Variants in MTA1 observed in about 807,000 individuals in gnomAD.
MTA1 encodes the protein metastasis associated 1.
In MTA1, 15 loss-of-function variants were observed where a neutral mutation model predicts 97.0. That is an observed-to-expected ratio of 0.15 (90% CI 0.10 to 0.24). The LOEUF (loss-of-function observed/expected upper bound fraction) is 0.24. Ranked by LOEUF, MTA1 falls within the 10% of genes least tolerant of loss-of-function variation. The pLI, the probability that MTA1 is intolerant of heterozygous loss-of-function variation, is 1.00. For synonymous variants in MTA1, 435 were observed against 417.5 expected, an observed-to-expected ratio of 1.04 and a Z score of -0.51; for missense variants, 709 against 1,015.1, an observed-to-expected ratio of 0.70 and a Z score of 4.10.
chr14:105,455,590 A>G (rs2083116679), intron 7 of MTA1, among the ~76,000 whole-genome samples: 1 of 152,234 alleles, frequency 6.6e-6, no homozygotes, highest in South Asian at 2.1e-4. Context: ...TGTGTCGCCC[A>G]GGCTGGACTT....
intron 6 of MTA1, 144 bp from the exon 7 acceptor site, chr14:105,454,049 G>T (rs782405502): frequency 5.2e-6 from 3 of 582,390 alleles, no homozygotes; most frequent in African/African-American, 1.9e-5. Flanking sequence ...GGGCTCCTGC[G>T]CCCTCCCTCC....
chr14:105,460,848 G>A lies in MTA1; in HGVS notation c.837G>A (p.Val279=). The part of the protein sequence containing the change: ...ISALVPQGGP[V]LCRDEMEEWS... ...CGCTGGTGCCGCAGGGCGGGCCCGT[G>A]CTCTGCAGGGACGAGATGGAGGAGT... The change falls in exon 10 of 21, where the codon GTG becomes GTA. Residue 279 remains valine (V), a synonymous_variant. Coordinates refer to ENST00000331320, the MANE Select transcript of MTA1 (RefSeq NM_004689.4). 4 of 1,612,858 alleles carry A rather than the reference G, an allele frequency of 2.5e-6. No individual in the cohort carries two copies. The highest frequency in any genetic ancestry group is 2.5e-6 in the Non-Finnish European group (3 of 1,179,758).
intron 4 of MTA1, 151 bp from the exon 5 acceptor site, chr14:105,449,907 G>A (rs1186591344): frequency 3.5e-6 from 4 of 1,148,270 alleles, no homozygotes; most frequent in Non-Finnish European, 5.0e-6. Flanking sequence ...GCCATAGGGT[G>A]GGGCAGTGGG....
chr14:105,449,230 C>A, intron 3 of MTA1, 129 bp from the exon 4 acceptor site: 1 of 865,478 alleles, frequency 1.2e-6, no homozygotes, highest in Non-Finnish European at 1.7e-6. Context: ...TCACGCCCCA[C>A]CGGGAGGCCT....
chr14:105,456,627 A>G (rs1555429984), intron 7 of MTA1, among the ~76,000 whole-genome samples: 1 of 152,148 alleles, frequency 6.6e-6, no homozygotes, highest in East Asian at 1.9e-4. Flanking sequence ...ATTGCACACT[A>G]GTTGTGCACC....
At chr14:105,451,783 G>GTTTTTTT (rs869240296) in intron 6 of MTA1, among the ~76,000 whole-genome samples, 24 of 31,372 alleles carry the variant, frequency 7.7e-4, no homozygotes, top group African/African-American at 1.1e-3. Flanking sequence ...TTCTTTTTTT[G>GTTTTTTT]TTTTTTTTTT....
intron 7 of MTA1, 151 bp from the exon 8 acceptor site, chr14:105,458,119 C>T: frequency 1.6e-6 from 1 of 631,966 alleles, no homozygotes; most frequent in Non-Finnish European, 2.8e-6. Context: ...GTGCAACAGC[C>T]TCCGTCCAGC....
At chr14:105,468,309 C>A (rs1006981939) in intron 18 of MTA1, 31 of 1,304,310 alleles carry the variant, frequency 2.4e-5, no homozygotes, top group Non-Finnish European at 3.1e-5. Context: ...GCATGTGTTT[C>A]TTCCCTCTGC....
At position 105,470,437 on chromosome 14, in the gene MTA1, T is replaced by G. The variant is rs2083794420; in HGVS notation, c.*222T>G. The stretch of plus-strand genomic sequence containing the variant: ...GTCGTTTTTAGCTTTGTGTTTACTT[T>G]TTGGCTGGAGCGGAGATGAGGGGCC... On this transcript the variant is annotated 3_prime_UTR_variant, in exon 21 of 21. Coordinates refer to ENST00000331320, the MANE Select transcript of MTA1 (RefSeq NM_004689.4). 2.1e-6 allele frequency: 1 copy of G among 483,744 alleles called. No homozygotes were observed. Among genetic ancestry groups the G allele is most frequent in the Non-Finnish European group, 3.5e-6 (1 of 283,744 alleles). 30.0% of individuals were successfully genotyped at this position (483,744 alleles called of 1,614,324 possible). A position where few individuals can be genotyped will look rare whatever the true frequency, so the allele number is the denominator to read the frequency against.
intron 1 of MTA1, among the ~76,000 whole-genome samples, chr14:105,437,437 C>A (rs2082364011): frequency 6.6e-6 from 1 of 151,216 alleles, no homozygotes; most frequent in African/African-American, 2.4e-5. Flanking sequence ...AGGGGTGTGT[C>A]CTCACGGGCA....
chr14:105,434,246 C>T (rs1484022689), intron 1 of MTA1, among the ~76,000 whole-genome samples: 1 of 152,162 alleles, frequency 6.6e-6, no homozygotes, highest in Non-Finnish European at 1.5e-5. Flanking sequence ...ATAGGAAGCT[C>T]ACCAACATGT....
chr14:105,419,967 C>T lies in MTA1; in HGVS notation c.-69C>T, dbSNP rs2081768604. The stretch of plus-strand genomic sequence containing the variant: ...GCCCCCCGCCCCCGCCATCGCGCCT[C>T]CATTTTCCCGGCCGCCCGCGCCGAG... On this transcript the variant is annotated 5_prime_UTR_variant, in exon 1 of 21. Transcript: ENST00000331320. 14 of 823,944 alleles carry T rather than the reference C, an allele frequency of 1.7e-5. No individual in the cohort carries two copies. Among genetic ancestry groups the T allele is most frequent in the Non-Finnish European group, 2.1e-5 (14 of 681,542 alleles). The allele number at this position is 823,944 out of a possible 1,614,324, so 51.0% of individuals were successfully genotyped here.
rs1466309623 is a variant in MTA1 at position 105,463,774 on chromosome 14, T to C, written c.1076+223T>C. The stretch of plus-strand genomic sequence containing the variant: ...CCTGGTCAGTAAGGGGGCATTGGGA[T>C]TCCAGCCCACACCGCCAGGGTTCAG... On this transcript the variant is annotated intron_variant, in intron 12 of 20. Transcript: ENST00000331320. This position sits in a 1 kb window ranked among gnomAD's most constrained non-coding sequence, Gnocchi z 5.9. 6.4e-6 allele frequency: 4 copies of C among 620,390 alleles called. No individual in the cohort carries two copies. Among genetic ancestry groups the C allele is most frequent in the African/African-American group, 5.5e-5 (3 of 54,058 alleles). 38.4% of individuals were successfully genotyped at this position (620,390 alleles called of 1,614,324 possible).
intron 1 of MTA1, among the ~76,000 whole-genome samples, chr14:105,435,913 G>A (rs1351156179): frequency 6.6e-6 from 1 of 152,128 alleles, no homozygotes; most frequent in African/African-American, 2.4e-5. Flanking sequence ...GGTTACTTGT[G>A]GCTTCTCTCT....
At chr14:105,468,933 G>A in intron 18 of MTA1, 2 of 315,716 alleles carry the variant, frequency 6.3e-6, no homozygotes, top group Non-Finnish European at 1.3e-5. Context: ...GGAAGTCAGA[G>A]GCCTCTGGCA....
Position 105,464,086 on chromosome 14 carries a change from G to A in MTA1, c.1131G>A (p.Val377=). 2 of 1,612,520 alleles carry A rather than the reference G, an allele frequency of 1.2e-6. No individual in the cohort carries two copies. Among genetic ancestry groups the A allele is most frequent in the Non-Finnish European group, 1.7e-6 (2 of 1,179,792 alleles). ...TCAACAACGTCAAGGCCGGTGTGGT[G>A]AACGGCACGGGGGCGCCGGGCCAGA... ...ISVNNVKAGV[V]NGTGAPGQSP... is the part of the protein sequence containing the mutation. Residue 377 remains valine (V), a synonymous_variant, in exon 13 of 21, where the codon GTG becomes GTA. Transcript: ENST00000331320.
intron 10 of MTA1, among the ~76,000 whole-genome samples, chr14:105,461,238 C>T (rs1388938536): frequency 3.9e-5 from 6 of 152,176 alleles, no homozygotes; most frequent in African/African-American, 9.7e-5. Flanking sequence ...GCCCAGGTGA[C>T]GGAGGCCAGG....
In MTA1 at chr14:105,429,372, G is replaced by A. The variant is rs587599094; in HGVS notation, c.29-9300G>A. On this transcript the variant is annotated intron_variant, in intron 1 of 20. Coordinates refer to ENST00000331320, the MANE Select transcript of MTA1 (RefSeq NM_004689.4). The stretch of plus-strand genomic sequence containing the variant: ...ACGATCTCGGCTCGCTGCAACCTCC[G>A]CCTCCCGGGTTCAAGCGATTCTCCT... Among the ~76,000 whole-genome samples, 25 of 151,844 alleles carry A rather than the reference G, an allele frequency of 1.6e-4. No individual in the cohort carries two copies. The South Asian group carries it at 3.8e-3, about 23-fold the overall frequency.
intron 6 of MTA1, among the ~76,000 whole-genome samples, chr14:105,452,534 G>A (rs2082983542): frequency 6.6e-6 from 1 of 152,224 alleles, no homozygotes; most frequent in African/African-American, 2.4e-5. Flanking sequence ...AAAAACATTA[G>A]CCAGGCGTGG....
Sources: gnomAD v4.1 joint callset for allele counts (sites outside exome capture counted in the v4.1 genomes callset) on GRCh38, gnomAD v4.1.1 for gene constraint, Gnocchi (gnomAD v3.1) non-coding constraint, MANE v1.5 for transcripts, NCBI Gene and HGNC (gene_info 2026-07-23, HGNC 2026-07-21) for gene names.